The following CD44 variants were observed in gnomAD, a reference collection of about 807,000 sequenced individuals.
CD44 encodes the protein CD44 molecule (IN blood group).
In CD44, 49 loss-of-function variants were observed where a neutral mutation model predicts 88.8. The ratio of observed to expected loss-of-function variants is 0.55; its 90% CI spans 0.44 to 0.70. The LOEUF (loss-of-function observed/expected upper bound fraction) is 0.70, where lower values mean the gene tolerates loss of function less well. CD44 is among the 30% of genes least tolerant of loss of function. The pLI is 0.00. For missense variants in CD44, 883 were observed against 913.8 expected, an observed-to-expected ratio of 0.97 and a Z score of 0.43; for synonymous variants, 325 against 312.3, an observed-to-expected ratio of 1.04 and a Z score of -0.43.
intron 14 of CD44, chr11:35,214,040 T>C (rs1270419603): frequency 2.0e-5 from 3 of 151,076 alleles, no homozygotes; most frequent in Admixed American, 2.0e-4. Context: ...AAAATGTGGG[T>C]GGGGGAGAGA....
chr11:35,140,009 C>T (rs908849954), intron 1 of CD44, among the ~76,000 whole-genome samples: 3 of 152,228 alleles, frequency 2.0e-5, no homozygotes, highest in Non-Finnish European at 4.4e-5. Context: ...CATGAGATTC[C>T]AGCCTGGGAT....
At chr11:35,163,925 G>A (rs971221476) in intron 1 of CD44, among the ~76,000 whole-genome samples, 1 of 152,042 alleles carries the variant, frequency 6.6e-6, no homozygotes, top group Non-Finnish European at 1.5e-5. Context: ...ACCTCTCTCA[G>A]CCTCAGTTTT....
At chr11:35,173,911 G>T (rs1944178086) in intron 1 of CD44, among the ~76,000 whole-genome samples, 1 of 152,178 alleles carries the variant, frequency 6.6e-6, no homozygotes, top group South Asian at 2.1e-4. Flanking sequence ...CATGGGTTTG[G>T]GTGGTAAACA....
rs1361444220 is a variant in CD44, at chr11:35,139,325, G to A, written c.22G>A (p.Ala8Thr). 3.2e-6 allele frequency: 5 copies of A among 1,562,064 alleles called. No homozygotes were observed. The highest frequency in any genetic ancestry group is 3.5e-6 in the Non-Finnish European group (4 of 1,152,740). ...CACCATGGACAAGTTTTGGTGGCAC[G>A]CAGCCTGGGGACTCTGCCTCGTGCC... MDKFWWH[A>T]AWGLCLVPLS... Residue 8 changes from alanine to threonine, a missense_variant, in exon 1 of 18, where the codon GCA (alanine) becomes ACA (threonine). Transcript: ENST00000428726.
intron 3 of CD44, among the ~76,000 whole-genome samples, chr11:35,182,597 A>T (rs1053870710): frequency 6.6e-6 from 1 of 152,172 alleles, no homozygotes; most frequent in Non-Finnish European, 1.5e-5. Context: ...TGATATTATA[A>T]TGAGAAAACC....
chr11:35,205,123 C>T (rs1215745426), intron 10 of CD44, among the ~76,000 whole-genome samples: 2 of 152,130 alleles, frequency 1.3e-5, no homozygotes, highest in Admixed American at 1.3e-4. Flanking sequence ...GGCCTTTTGG[C>T]CATGCCTGTT....
At chr11:35,198,364 T>C in intron 7 of CD44, 118 bp downstream of exon 7, 1 of 859,096 alleles carries the variant, frequency 1.2e-6, no homozygotes, top group South Asian at 1.9e-5. Context: ...GAACCTATGA[T>C]CATACCTTAG....
intron 17 of CD44, chr11:35,222,902 G>C (rs758952295): frequency 2.0e-6 from 2 of 985,208 alleles, no homozygotes; most frequent in African/African-American, 3.5e-5. Context: ...CCTCAGTCTG[G>C]GAGAAGACCT....
At chr11:35,167,467 C>A (rs1414458820) in intron 1 of CD44, among the ~76,000 whole-genome samples, 4 of 152,162 alleles carry the variant, frequency 2.6e-5, no homozygotes, top group Admixed American at 6.5e-5. Context: ...GTCCTTTTCC[C>A]TTCCTACTTC....
intron 17 of CD44, chr11:35,223,052 T>C (rs1367017160): frequency 1.0e-6 from 1 of 985,266 alleles, no homozygotes; most frequent in Non-Finnish European, 1.2e-6. Flanking sequence ...TACAAGTTAA[T>C]AAAAGTGCCA....
chr11:35,161,595 C>A (rs887583655), intron 1 of CD44, among the ~76,000 whole-genome samples: 1 of 152,142 alleles, frequency 6.6e-6, no homozygotes, highest in Non-Finnish European at 1.5e-5. Flanking sequence ...TGGATTTTGC[C>A]TTGAATTTTT....
chr11:35,226,880 C>CTTTTTTTTTTTTTTT (rs367551052), intron 17 of CD44, among the ~76,000 whole-genome samples: 4 of 106,190 alleles, frequency 3.8e-5, no homozygotes, highest in East Asian at 2.4e-4. Context: ...TTCTTTTTTC[C>CTTTTTTTTTTTTTTT]TTTTTTTTTT....
chr11:35,206,792 C>T (rs2134125640), intron 11 of CD44, among the ~76,000 whole-genome samples: 1 of 152,190 alleles, frequency 6.6e-6, no homozygotes, highest in Non-Finnish European at 1.5e-5. Context: ...GTTTGAATGG[C>T]TAGGCAGGGG....
At chr11:35,152,938 A>G (rs905076035) in intron 1 of CD44, among the ~76,000 whole-genome samples, 1 of 152,170 alleles carries the variant, frequency 6.6e-6, no homozygotes, top group African/African-American at 2.4e-5. Flanking sequence ...GTATAAACTG[A>G]GCTGGGCCCA....
At chr11:35,168,860 G>T (rs1189485296) in intron 1 of CD44, among the ~76,000 whole-genome samples, 1 of 152,156 alleles carries the variant, frequency 6.6e-6, no homozygotes, top group Non-Finnish European at 1.5e-5. Flanking sequence ...CCTCAGAAAT[G>T]GCCCTGTGAT....
At chr11:35,148,217 A>G (rs1281103134) in intron 1 of CD44, among the ~76,000 whole-genome samples, 1 of 152,192 alleles carries the variant, frequency 6.6e-6, no homozygotes, top group Non-Finnish European at 1.5e-5. Flanking sequence ...ACTTTAAATG[A>G]GTAGCTACTA....
At chr11:35,162,651 A>T (rs1387780643) in intron 1 of CD44, among the ~76,000 whole-genome samples, 1 of 152,220 alleles carries the variant, frequency 6.6e-6, no homozygotes, top group East Asian at 1.9e-4. Flanking sequence ...AGAGGTGTGA[A>T]TTACAAGCAA....
intron 5 of CD44, among the ~76,000 whole-genome samples, chr11:35,194,106 C>T (rs907287059): frequency 1.2e-4 from 18 of 152,188 alleles, no homozygotes; most frequent in African/African-American, 4.1e-4. Context: ...ATGGCTCAGT[C>T]GCCCAATCAA....
At chr11:35,220,158 GCCC>G (rs1053784743) in intron 16 of CD44, among the ~76,000 whole-genome samples, 1 of 152,128 alleles carries the variant, frequency 6.6e-6, no homozygotes, top group Non-Finnish European at 1.5e-5. Flanking sequence ...GTTCTCCTTT[GCCC>G]CAGCTTGCCT....
Sources: gnomAD v4.1 joint callset for allele counts (sites outside exome capture counted in the v4.1 genomes callset) on GRCh38, gnomAD v4.1.1 for gene constraint, MANE v1.5 for transcripts, NCBI Gene and HGNC (gene_info 2026-07-23, HGNC 2026-07-21) for gene names.